The following LPP variants were observed in gnomAD, a reference collection of about 807,000 sequenced individuals.
LPP encodes lipoma-preferred partner.
LPP carries 38 observed loss-of-function variants against 60.4 expected under a neutral mutation model. The observed-to-expected ratio is 0.63, with a 90% confidence interval of 0.49 to 0.83. The LOEUF is 0.83. Among genes scored for constraint, LPP ranks in the 40% least tolerant of loss-of-function variants. The pLI is 0.00. For synonymous variants in LPP, 328 were observed against 290.8 expected (o/e 1.13, Z -1.30); for missense variants, 902 against 783.6 (o/e 1.15, Z -1.80).
intron 9 of LPP, among the ~76,000 whole-genome samples, chr3:188,847,667 C>G (rs529547571): frequency 6.6e-6 from 1 of 152,274 alleles, no homozygotes; most frequent in Admixed American, 6.5e-5. Context: ...TTATCTTGAA[C>G]TCTTAACAGG....
chr3:188,195,616 C>T (rs1368356499), intron 1 of LPP, among the ~76,000 whole-genome samples: 1 of 152,208 alleles, frequency 6.6e-6, no homozygotes, highest in East Asian at 1.9e-4. Context: ...GTGGCTAGTT[C>T]GAACTGAGAT....
intron 8 of LPP, among the ~76,000 whole-genome samples, chr3:188,757,287 G>A (rs1730595812): frequency 6.6e-6 from 1 of 152,210 alleles, no homozygotes; most frequent in East Asian, 1.9e-4. Context: ...TCGTGGGCAA[G>A]AGTAGATATT....
intron 1 of LPP, among the ~76,000 whole-genome samples, chr3:188,208,988 T>C (rs1268188160): frequency 2.0e-5 from 3 of 152,228 alleles, no homozygotes; most frequent in African/African-American, 7.2e-5. Context: ...GGGCTTTCAC[T>C]CTCATTATCT....
chr3:188,797,932 T>C (rs1745868446), intron 9 of LPP, among the ~76,000 whole-genome samples: 1 of 152,182 alleles, frequency 6.6e-6, no homozygotes, highest in Non-Finnish European at 1.5e-5. Flanking sequence ...TGAAACCATT[T>C]GCTTATGAAC....
chr3:188,332,052 A>G (rs1216869939), intron 2 of LPP, among the ~76,000 whole-genome samples: 1 of 152,188 alleles, frequency 6.6e-6, no homozygotes, highest in Non-Finnish European at 1.5e-5. Context: ...AATTATTTCA[A>G]GAGTTCTTCC....
chr3:188,674,753 G>A (rs1294269332), intron 7 of LPP, among the ~76,000 whole-genome samples: 4 of 152,138 alleles, frequency 2.6e-5, no homozygotes, highest in African/African-American at 7.2e-5. Flanking sequence ...TACCTTGTAC[G>A]AGAGTAGGTG....
intron 7 of LPP, among the ~76,000 whole-genome samples, chr3:188,638,995 C>T (rs1188539718): frequency 6.6e-6 from 1 of 151,440 alleles, no homozygotes; most frequent in Non-Finnish European, 1.5e-5. Flanking sequence ...TGCCTTTCTT[C>T]ACAGAATTGG....
chr3:188,651,024 G>A (rs1580699880), intron 7 of LPP, among the ~76,000 whole-genome samples: 1 of 152,080 alleles, frequency 6.6e-6, no homozygotes, highest in African/African-American at 2.4e-5. Context: ...AATAAATAGG[G>A]ACCCTAATCA....
At chr3:188,565,332 G>C (rs1029188158) in intron 6 of LPP, among the ~76,000 whole-genome samples, 2 of 151,990 alleles carry the variant, frequency 1.3e-5, no homozygotes, top group African/African-American at 4.8e-5. Flanking sequence ...CCAAATATCT[G>C]AGGCTGGGAC....
intron 8 of LPP, among the ~76,000 whole-genome samples, chr3:188,727,828 A>C (rs62291293): frequency 0.056 from 8,575 of 152,166 alleles, 303 homozygotes; most frequent in Non-Finnish European, 0.085. Context: ...GGTTATACGG[A>C]TATCAAGAGC....
chr3:188,388,068 C>T (rs753897897), intron 3 of LPP, among the ~76,000 whole-genome samples: 33 of 151,554 alleles, frequency 2.2e-4, no homozygotes, highest in Non-Finnish European at 3.7e-4. Flanking sequence ...GCCTCATTTC[C>T]AGTTATTTTT....
intron 2 of LPP, among the ~76,000 whole-genome samples, chr3:188,314,799 C>G (rs757412212): frequency 6.6e-6 from 1 of 152,162 alleles, no homozygotes. Flanking sequence ...AGCCTGGCGA[C>G]AGAGAGAGAC....
At chr3:188,549,170 A>G (rs1336246065) in intron 6 of LPP, among the ~76,000 whole-genome samples, 1 of 152,218 alleles carries the variant, frequency 6.6e-6, no homozygotes, top group African/African-American at 2.4e-5. Context: ...GCAGTTTCTC[A>G]TGTAAGCTGG....
chr3:188,398,875 G>A (rs2148783762), intron 3 of LPP, among the ~76,000 whole-genome samples: 1 of 152,320 alleles, frequency 6.6e-6, no homozygotes, highest in African/African-American at 2.4e-5. Flanking sequence ...CTTCCTTCAA[G>A]GGGGAGGATA....
rs1725274123 is a variant in LPP at position 188,182,384 on chromosome 3, A to G, written c.-190+28132A>G. ...TGCTATATTCATCATGTACTTATTTATAGTCATCCCTACCTCGTTCTTTTC... is the reference window on the plus strand; with the variant it reads ...TGCTATATTCATCATGTACTTATTTGTAGTCATCCCTACCTCGTTCTTTTC... On this transcript the variant is annotated intron_variant, in intron 1 of 11. Coordinates refer to ENST00000617246, the MANE Select transcript of LPP (RefSeq NM_001375462.1). The surrounding 1 kb of genome is among the most constrained non-coding windows in gnomAD (Gnocchi z 4.4). 6.6e-6 allele frequency among the ~76,000 whole-genome samples: 1 copy of G among 152,186 alleles called. No homozygotes were observed. The highest frequency in any genetic ancestry group is 1.5e-5 in the Non-Finnish European group (1 of 68,038).
chr3:188,312,210 C>A (rs1322179995), intron 2 of LPP, among the ~76,000 whole-genome samples: 1 of 151,916 alleles, frequency 6.6e-6, no homozygotes, highest in East Asian at 2.0e-4. Flanking sequence ...TATATAAATA[C>A]ATTTATATAC....
intron 4 of LPP, among the ~76,000 whole-genome samples, chr3:188,439,756 A>G (rs1408559513): frequency 6.6e-6 from 1 of 152,226 alleles, no homozygotes; most frequent in Non-Finnish European, 1.5e-5. Context: ...TGCAGTACAG[A>G]CATGGTAGCT....
intron 2 of LPP, among the ~76,000 whole-genome samples, chr3:188,227,236 T>A (rs1338248840): frequency 6.6e-6 from 1 of 151,818 alleles, no homozygotes; most frequent in Non-Finnish European, 1.5e-5. Context: ...GTGCACAATG[T>A]GCAGGTTAGT....
chr3:188,650,672 G>T (rs1851906051), intron 7 of LPP, among the ~76,000 whole-genome samples: 1 of 152,112 alleles, frequency 6.6e-6, no homozygotes, highest in Non-Finnish European at 1.5e-5. Flanking sequence ...TTTAAAATTG[G>T]TTGGCAGAGC....
Sources: gnomAD v4.1 joint callset for allele counts (sites outside exome capture counted in the v4.1 genomes callset) on GRCh38, gnomAD v4.1.1 for gene constraint, Gnocchi (gnomAD v3.1) non-coding constraint, MANE v1.5 for transcripts, NCBI Gene and HGNC (gene_info 2026-07-23, HGNC 2026-07-21) for gene names.